The following ANK2 variants were observed in gnomAD, a reference collection of about 807,000 sequenced individuals.
The protein encoded by ANK2 is ankyrin 2.
ANK2 carries 83 observed loss-of-function variants against 360.5 expected under a neutral mutation model. That is an observed-to-expected ratio of 0.23 (90% CI 0.19 to 0.28). The LOEUF (loss-of-function observed/expected upper bound fraction) is 0.28, where lower values mean the gene tolerates loss of function less well. Among genes scored for constraint, ANK2 ranks in the 10% least tolerant of loss-of-function variants. The pLI is 1.00. For missense variants in ANK2, 4,201 were observed against 4,795.7 expected (o/e 0.88, Z 3.66); for synonymous variants, 1,740 against 1,759.5 (o/e 0.99, Z 0.28).
intron 9 of ANK2, among the ~76,000 whole-genome samples, chr4:113,245,747 A>G (rs1309617701): frequency 1.3e-5 from 2 of 152,268 alleles, no homozygotes; most frequent in South Asian, 2.1e-4. Context: ...AACTATATCA[A>G]TGTTTAATTT....
intron 1 of ANK2, chr4:113,146,082 C>CT (rs2096824782): frequency 1.6e-6 from 2 of 1,249,954 alleles, no homozygotes; most frequent in South Asian, 2.6e-5. Context: ...GGTCAGACCT[C>CT]TAAACTTCCT....
At chr4:113,178,469 G>A (rs1208948230) in intron 2 of ANK2, among the ~76,000 whole-genome samples, 5 of 151,764 alleles carry the variant, frequency 3.3e-5, no homozygotes, top group Non-Finnish European at 5.9e-5. Context: ...CTACTTGGGA[G>A]GCTGAGGTGG....
rs374083969 is a variant in ANK2 at position 113,302,744 on chromosome 4, A to T, written c.2476-23A>T. ...GTTTACTTTTGGTTTCAACTTGAACATTAATGATTTTTGTTTTTCCAGACT... is the reference window on the plus strand; with the variant it reads ...GTTTACTTTTGGTTTCAACTTGAACTTTAATGATTTTTGTTTTTCCAGACT... On this transcript the variant is annotated intron_variant, in intron 22 of 45. Transcript: ENST00000357077. The T allele has an allele frequency of 2.5e-6, 4 of 1,594,312 alleles. No individual in the cohort carries two copies. The African/African-American group carries it at 5.4e-5, about 21-fold the overall frequency.
the ANK2 span, among the ~76,000 whole-genome samples, chr4:112,805,811 G>T: frequency 6.6e-6 from 1 of 152,086 alleles, no homozygotes; most frequent in African/African-American, 2.4e-5. Flanking sequence ...TCCTGACCTC[G>T]TGATCCACCT....
intron 1 of ANK2, among the ~76,000 whole-genome samples, chr4:112,856,319 A>AAAAT (rs2066389151): frequency 2.6e-5 from 4 of 152,214 alleles, no homozygotes; most frequent in Admixed American, 2.6e-4. Context: ...TACTTTTAAT[A>AAAAT]AAATAAATTT....
At chr4:112,749,009 C>G in the ANK2 span, among the ~76,000 whole-genome samples, 5 of 152,214 alleles carry the variant, frequency 3.3e-5, no homozygotes, top group Non-Finnish European at 7.3e-5. Context: ...AAGCCATTCT[C>G]GGGCCTCGGC....
At position 113,302,888 on chromosome 4, in the gene ANK2, A is replaced by T. The variant is rs1157925429; in HGVS notation, c.2548+49A>T. ...ATGACACCTGTCATGTTCTTACACA[A>T]GGGCAAATTACCCTTTTTTTCAGAG... On this transcript the variant is annotated intron_variant, in intron 23 of 45. Transcript: ENST00000357077. The T allele has an allele frequency of 2.7e-6, 4 of 1,502,670 alleles. No individual in the cohort carries two copies. In the Admixed American group the frequency reaches 6.7e-5, roughly 25 times the overall value. The allele number at this position is 1,502,670 out of a possible 1,614,324, so 93.1% of individuals were successfully genotyped here. A position where few individuals can be genotyped will look rare whatever the true frequency, so the allele number is the denominator to read the frequency against.
chr4:113,308,270 G>C (rs895108263), intron 23 of ANK2, among the ~76,000 whole-genome samples: 1 of 152,194 alleles, frequency 6.6e-6, no homozygotes, highest in Admixed American at 6.5e-5. Flanking sequence ...CGTGCTATTT[G>C]CTCATGTAGG....
chr4:113,350,101 C>T, intron 36 of ANK2, 127 bp from the exon 37 acceptor site: 1 of 800,392 alleles, frequency 1.2e-6, no homozygotes, highest in South Asian at 1.8e-5. Flanking sequence ...GCAAATTACT[C>T]TGACCTTCCT....
chr4:112,902,028 C>A (rs2083592707), intron 1 of ANK2, among the ~76,000 whole-genome samples: 1 of 152,136 alleles, frequency 6.6e-6, no homozygotes, highest in African/African-American at 2.4e-5. Flanking sequence ...GACACTGCAT[C>A]ATTAAGAGAG....
chr4:113,372,207 G>A (rs981018480), intron 43 of ANK2, among the ~76,000 whole-genome samples: 1 of 152,110 alleles, frequency 6.6e-6, no homozygotes, highest in Non-Finnish European at 1.5e-5. Flanking sequence ...TTTACAGTCA[G>A]GCTTTTTTTT....
chr4:113,020,813 G>C (rs1247238503), intron 2 of ANK2, among the ~76,000 whole-genome samples: 2 of 113,290 alleles, frequency 1.8e-5, no homozygotes, highest in South Asian at 7.0e-4. Flanking sequence ...GCGACAGAGT[G>C]AGACTCTGTC....
At chr4:113,222,104 C>G (rs570782242) in intron 4 of ANK2, among the ~76,000 whole-genome samples, 138 of 152,322 alleles carry the variant, frequency 9.1e-4, no homozygotes, top group African/African-American at 3.3e-3. Context: ...TATAAAGATA[C>G]AGTATTTGTT....
chr4:113,268,387 T>C (rs2057099051), intron 14 of ANK2, among the ~76,000 whole-genome samples: 1 of 152,216 alleles, frequency 6.6e-6, no homozygotes, highest in African/African-American at 2.4e-5. Flanking sequence ...GGCTGTGGGT[T>C]TGTCATAAAT....
Position 113,354,802 on chromosome 4 carries a change from G to T in ANK2, c.6184G>T (p.Ala2062Ser), listed in dbSNP as rs749959288. 6.8e-6 allele frequency: 11 copies of T among 1,614,126 alleles called. No homozygotes were observed. The South Asian group carries it at 1.2e-4, about 18-fold the overall frequency. Residue 2062 changes from alanine to serine, a missense_variant, in exon 38 of 46, where the codon GCA (alanine) becomes TCA (serine). Physicochemically the swap from Ala to Ser is moderately conservative, Grantham distance 99. Coordinates refer to ENST00000357077, the MANE Select transcript of ANK2 (RefSeq NM_001148.6). ...CCAGAGACTCCCGGTAACGGGCACAGCAGAATCCAAAAGAGGAGTTCGTGT... is the reference window on the plus strand; with the variant it reads ...CCAGAGACTCCCGGTAACGGGCACATCAGAATCCAAAAGAGGAGTTCGTGT... ...RGQRLPVTGT[A>S]ESKRGVRVSS... is the part of the protein sequence containing the mutation.
chr4:113,042,401 G>A (rs947526976), intron 2 of ANK2, among the ~76,000 whole-genome samples: 4 of 152,130 alleles, frequency 2.6e-5, no homozygotes, highest in Admixed American at 1.3e-4. Context: ...AGTGGTATGA[G>A]CCAATTTCCA....
At chr4:112,799,810 G>A in the ANK2 span, among the ~76,000 whole-genome samples, 2 of 143,796 alleles carry the variant, frequency 1.4e-5, no homozygotes, top group South Asian at 4.4e-4. Context: ...GAGCCACCGC[G>A]CCCAGCCCAC....
chr4:113,288,838 C>T (rs2066075518), intron 20 of ANK2, among the ~76,000 whole-genome samples: 1 of 152,028 alleles, frequency 6.6e-6, no homozygotes, highest in Non-Finnish European at 1.5e-5. Flanking sequence ...CCCTTCTCCT[C>T]TCATGAAGAA....
intron 2 of ANK2, among the ~76,000 whole-genome samples, chr4:112,991,620 T>TTTTC (rs2046863131): frequency 7.9e-5 from 1 of 12,684 alleles, no homozygotes; most frequent in African/African-American, 1.9e-4. Context: ...TCTTTCTTTC[T>TTTTC]TTTTTTTTTT....
Sources: gnomAD v4.1 joint callset for allele counts (sites outside exome capture counted in the v4.1 genomes callset) on GRCh38, gnomAD v4.1.1 for gene constraint, MANE v1.5 for transcripts, NCBI Gene and HGNC (gene_info 2026-07-23, HGNC 2026-07-21) for gene names.